Variants in MID1 observed in about 807,000 individuals in gnomAD.
MID1 encodes midline 1, also known as E3 ubiquitin-protein ligase Midline-1.
Under a neutral mutation model 40.4 loss-of-function variants are expected in MID1, and 7 were observed. The ratio of observed to expected loss-of-function variants is 0.17; its 90% confidence interval spans 0.10 to 0.33. The LOEUF is 0.33. MID1 is among the 10% of genes least tolerant of loss of function. MID1 has a pLI of 1.00. For missense variants in MID1, 367 were observed against 558.5 expected (o/e 0.66, Z 3.46); for synonymous variants, 229 against 221.2 (o/e 1.04, Z -0.31).
chrX:10,621,913 A>T (rs959212852), upstream of MID1, among the ~76,000 whole-genome samples: 2 of 103,718 alleles, frequency 1.9e-5, no homozygotes, highest in Non-Finnish European at 3.9e-5. Flanking sequence ...GCACTGTAAG[A>T]TGTGTAGCAG....
At chrX:10,659,843 G>C (rs2042899285) in intron 1 of MID1, among the ~76,000 whole-genome samples, 1 of 111,928 alleles carries the variant, frequency 8.9e-6, no homozygotes, top group South Asian at 3.7e-4. Flanking sequence ...ATGTCCTTAT[G>C]ATTGTCTAAA....
chrX:10,714,093 G>A (rs1229664935), intron 1 of MID1, among the ~76,000 whole-genome samples: 2 of 111,924 alleles, frequency 1.8e-5, no homozygotes, highest in African/African-American at 3.2e-5. Context: ...TCCATTCTTC[G>A]ACTGTATTCA....
At chrX:10,625,779 C>A (rs1935989500) in intron 1 of MID1, among the ~76,000 whole-genome samples, 2 of 112,027 alleles carry the variant, frequency 1.8e-5, no homozygotes, top group Non-Finnish European at 3.8e-5. Context: ...TGTACTCTTT[C>A]TTTGGAAACC....
chrX:10,506,466 A>C (rs1383296493), intron 3 of MID1: 1 of 543,194 alleles, frequency 1.8e-6, no homozygotes, highest in Non-Finnish European at 3.2e-6. Context: ...AACTCTGGGA[A>C]ACAGTACAGA....
intron 4 of MID1, among the ~76,000 whole-genome samples, chrX:10,487,447 T>C (rs930951409): frequency 1.8e-5 from 2 of 112,205 alleles, no homozygotes; most frequent in Admixed American, 9.5e-5. Context: ...CATTATATAA[T>C]ACACAATTTA....
At chrX:10,720,005 C>G (rs1330733744) in intron 1 of MID1, among the ~76,000 whole-genome samples, 1 of 111,896 alleles carries the variant, frequency 8.9e-6, no homozygotes, top group East Asian at 2.8e-4. Flanking sequence ...ATGTAGAAAG[C>G]TGAAACTGCA....
intron 8 of MID1, among the ~76,000 whole-genome samples, chrX:10,458,871 C>T (rs1417674735): frequency 8.9e-6 from 1 of 111,807 alleles, no homozygotes; most frequent in Non-Finnish European, 1.9e-5. Flanking sequence ...TACCGACACA[C>T]TCCAATTTGC....
chrX:10,570,741 G>A (rs1602419730), intron 1 of MID1, among the ~76,000 whole-genome samples: 1 of 112,649 alleles, frequency 8.9e-6, no homozygotes, highest in East Asian at 2.8e-4. Flanking sequence ...ATCTACCACT[G>A]TAGTGCAAAA....
At chrX:10,652,742 A>G (rs1311983982) in intron 1 of MID1, among the ~76,000 whole-genome samples, 1 of 111,178 alleles carries the variant, frequency 9.0e-6, no homozygotes, top group African/African-American at 3.3e-5. Flanking sequence ...TTCTTCACAG[A>G]CGCCACAGGC....
intron 1 of MID1, among the ~76,000 whole-genome samples, chrX:10,637,576 G>T (rs933571012): frequency 9.3e-6 from 1 of 107,391 alleles, no homozygotes; most frequent in Admixed American, 1.0e-4. Context: ...AGTGAGCCGA[G>T]ATTGCACCAC....
At chrX:10,544,519 C>G (rs1213417972) in intron 2 of MID1, among the ~76,000 whole-genome samples, 2 of 112,118 alleles carry the variant, frequency 1.8e-5, no homozygotes, top group Admixed American at 9.4e-5. Flanking sequence ...TGTTTTTCTA[C>G]AATGAATTGA....
intron 1 of MID1, among the ~76,000 whole-genome samples, chrX:10,798,174 C>T (rs1268082158): frequency 8.9e-6 from 1 of 112,067 alleles, no homozygotes; most frequent in Non-Finnish European, 1.9e-5. Flanking sequence ...AGCAATTATT[C>T]TCCAAAGCTC....
intron 1 of MID1, among the ~76,000 whole-genome samples, chrX:10,791,885 C>A (rs1340502914): frequency 9.0e-6 from 1 of 111,525 alleles, no homozygotes; most frequent in East Asian, 2.8e-4. Context: ...AATATTCTAA[C>A]TTTTTTTCAT....
chrX:10,743,930 T>C (rs1355802466), intron 1 of MID1, among the ~76,000 whole-genome samples: 2 of 111,523 alleles, frequency 1.8e-5, no homozygotes, highest in African/African-American at 6.5e-5. Context: ...AGACTGAAAA[T>C]GCAATCATTG....
chrX:10,817,075 T>C (rs1425729114), intron 1 of MID1, among the ~76,000 whole-genome samples: 1 of 112,263 alleles, frequency 8.9e-6, no homozygotes, highest in Non-Finnish European at 1.9e-5. Flanking sequence ...GCCTTGTTAG[T>C]TATTCTCTAT....
intron 1 of MID1, among the ~76,000 whole-genome samples, chrX:10,765,762 G>A (rs985189511): frequency 1.0e-4 from 11 of 110,201 alleles, no homozygotes; most frequent in Middle Eastern, 9.5e-3. Context: ...GAAAATAAAC[G>A]GATGTTTTTA....
intron 1 of MID1, among the ~76,000 whole-genome samples, chrX:10,736,377 T>C (rs185445080): frequency 1.3e-3 from 147 of 112,701 alleles, no homozygotes; most frequent in African/African-American, 4.1e-3. Context: ...ATCTCTATTA[T>C]TGAGATTTTC....
At chrX:10,745,381 G>T (rs1436093321) in intron 1 of MID1, among the ~76,000 whole-genome samples, 2 of 112,229 alleles carry the variant, frequency 1.8e-5, no homozygotes, top group Non-Finnish European at 3.8e-5. Flanking sequence ...CAGGATGCAG[G>T]AAAGGGGGCA....
chrX:10,575,624 GA>G (rs1455260764), intron 1 of MID1, among the ~76,000 whole-genome samples: 5 of 111,386 alleles, frequency 4.5e-5, no homozygotes, highest in African/African-American at 1.3e-4. Context: ...TTACTTTACT[GA>G]TTAGCACTCT....
Sources: gnomAD v4.1 joint callset for allele counts (sites outside exome capture counted in the v4.1 genomes callset) on GRCh38, gnomAD v4.1.1 for gene constraint, MANE v1.5 for transcripts, NCBI Gene and HGNC (gene_info 2026-07-23, HGNC 2026-07-21) for gene names.